The following PALLD variants were observed in gnomAD, a reference collection of about 807,000 sequenced individuals.
PALLD encodes palladin, cytoskeletal associated protein, also known as palladin.
In PALLD, 61 loss-of-function variants were observed where a neutral mutation model predicts 123.5. The ratio of observed to expected loss-of-function variants is 0.49; its 90% CI spans 0.40 to 0.61. The LOEUF is 0.61. Among genes scored for constraint, PALLD ranks in the 20% least tolerant of loss-of-function variants. The probability of loss-of-function intolerance (pLI) is 0.00; values close to 1 mark genes in which losing one functional copy is unlikely to be tolerated. For missense variants in PALLD, 1,273 were observed against 1,377.0 expected, an observed-to-expected ratio of 0.92 and a Z score of 1.20; for synonymous variants, 465 against 496.4, an observed-to-expected ratio of 0.94 and a Z score of 0.84.
At chr4:168,814,031 G>A (rs1043022845) in intron 10 of PALLD, among the ~76,000 whole-genome samples, 4 of 152,138 alleles carry the variant, frequency 2.6e-5, no homozygotes, top group Non-Finnish European at 4.4e-5. Flanking sequence ...CTCTGAATTC[G>A]ATAGAGACAG....
At chr4:168,885,616 G>A (rs764753399) in intron 10 of PALLD, among the ~76,000 whole-genome samples, 2 of 152,162 alleles carry the variant, frequency 1.3e-5, no homozygotes, top group South Asian at 4.1e-4. Context: ...CTCCAGCCAC[G>A]TACATTTGCA....
chr4:168,903,816 A>C lies in PALLD; in HGVS notation c.2532A>C (p.Gln844His). 1 of 1,611,872 alleles carries C rather than the reference A, an allele frequency of 6.2e-7. No individual in the cohort carries two copies. Among genetic ancestry groups the C allele is most frequent in the Non-Finnish European group, 8.5e-7 (1 of 1,177,990 alleles). ...CAAAGAGTGATCACTACACCATTCA[A>C]AGAGATCTCGATGGGACCTGCTCCC... ...ISPKSDHYTIQRDLDGTCSLH... is the reference protein window; with the variant it reads ...ISPKSDHYTIHRDLDGTCSLH... Residue 844 changes from glutamine to histidine, a missense_variant, in exon 15 of 22, where the codon CAA (glutamine) becomes CAC (histidine). Gln to His is a conservative substitution (Grantham distance 24). This residue lies in a region of PALLD where 329 missense variants were observed against 422.5 expected (regional missense o/e 0.78). Transcript: ENST00000505667.
Position 168,888,108 on chromosome 4 carries a change from A to G in PALLD, c.1965-2814A>G, listed in dbSNP as rs2151178002. Among the ~76,000 whole-genome samples, 2 of 152,280 alleles carry G rather than the reference A, an allele frequency of 1.3e-5. 1 individual carries two copies. The highest frequency in any genetic ancestry group is 4.2e-4 in the South Asian group (2 of 4,810). On this transcript the variant is annotated intron_variant, in intron 10 of 21. Transcript: ENST00000505667. ...GGGAGAGAGGTTCCAGGCTTGGGAA[A>G]ACTAGCAAACTATGCACGTGTTTGT...
At chr4:168,560,524 G>A (rs1467293038) in intron 2 of PALLD, among the ~76,000 whole-genome samples, 2 of 152,194 alleles carry the variant, frequency 1.3e-5, no homozygotes, top group Non-Finnish European at 2.9e-5. Context: ...GGAAGACGAA[G>A]AGTATGAGTA....
chr4:168,854,730 T>C (rs1423832339), intron 10 of PALLD, among the ~76,000 whole-genome samples: 1 of 151,980 alleles, frequency 6.6e-6, no homozygotes, highest in African/African-American at 2.4e-5. Context: ...TACATAAGAG[T>C]GCTATTAAAA....
intron 1 of PALLD, among the ~76,000 whole-genome samples, chr4:168,507,944 A>G (rs749890944): frequency 1.3e-5 from 2 of 151,650 alleles, no homozygotes; most frequent in Non-Finnish European, 2.9e-5. Context: ...ATTTGCCAGT[A>G]TCCTCTTCAC....
chr4:168,632,383 C>T (rs1013121290), intron 2 of PALLD, among the ~76,000 whole-genome samples: 2 of 152,200 alleles, frequency 1.3e-5, no homozygotes, highest in African/African-American at 4.8e-5. Flanking sequence ...TGCTCAGTTG[C>T]TGAATGAGGT....
rs1554034658 is a variant in PALLD, at chr4:168,520,327, C to CA, written c.908+7936dup. Among the ~76,000 whole-genome samples the CA allele has an allele frequency of 3.7e-3, 371 of 101,568 alleles. 4 individuals carry two copies. Among genetic ancestry groups the CA allele is most frequent in the African/African-American group, 0.011 (290 of 25,640 alleles). 66.6% of individuals were successfully genotyped at this position (101,568 alleles called of 152,430 possible). Reference sequence around the variant, plus strand: ...GGTGACAGAGCGAAGATTCCGTCACCAAAAAAAAAAAAAAAAAAAAAGAGA... The same window carrying CA: ...GGTGACAGAGCGAAGATTCCGTCACCAAAAAAAAAAAAAAAAAAAAAAGAGA... On this transcript the variant is annotated intron_variant, in intron 2 of 21. Coordinates refer to ENST00000505667, the MANE Select transcript of PALLD (RefSeq NM_001166108.2).
At chr4:168,892,158 T>C (rs1004710584) in intron 11 of PALLD, among the ~76,000 whole-genome samples, 6 of 152,196 alleles carry the variant, frequency 3.9e-5, no homozygotes, top group African/African-American at 1.4e-4. Flanking sequence ...TACTCTTTTC[T>C]TTTTAAAATA....
chr4:168,737,794 C>T (rs546364157), intron 10 of PALLD, among the ~76,000 whole-genome samples: 7 of 152,318 alleles, frequency 4.6e-5, no homozygotes, highest in Admixed American at 1.3e-4. Context: ...TCGGCCCATA[C>T]CTCTAACCCT....
At chr4:168,707,418 G>A (rs569590606) in intron 8 of PALLD, among the ~76,000 whole-genome samples, 2 of 152,304 alleles carry the variant, frequency 1.3e-5, no homozygotes, top group African/African-American at 4.8e-5. Flanking sequence ...GACGAGGAAC[G>A]AGTCAGTTAG....
intron 2 of PALLD, among the ~76,000 whole-genome samples, chr4:168,595,644 C>G (rs1771902413): frequency 6.6e-6 from 1 of 152,076 alleles, no homozygotes. Flanking sequence ...TGAAGCAAGA[C>G]AGTGTCTACA....
chr4:168,831,584 C>T (rs927099992), intron 10 of PALLD, among the ~76,000 whole-genome samples: 1 of 152,112 alleles, frequency 6.6e-6, no homozygotes, highest in African/African-American at 2.4e-5. Flanking sequence ...TGTGCTTTCC[C>T]TCCCCACAGC....
At chr4:168,528,579 G>A (rs1044967211) in intron 2 of PALLD, among the ~76,000 whole-genome samples, 3 of 152,144 alleles carry the variant, frequency 2.0e-5, no homozygotes, top group African/African-American at 7.2e-5. Flanking sequence ...CTGTTATTAC[G>A]TGTTTTAGAT....
intron 10 of PALLD, among the ~76,000 whole-genome samples, chr4:168,882,231 C>G (rs13140828): frequency 0.54 from 81,698 of 152,074 alleles, 24,127 homozygotes; most frequent in South Asian, 0.66. Context: ...CTTTCTCCCT[C>G]ATAGGAAACG....
At chr4:168,620,445 A>G (rs111467019) in intron 2 of PALLD, among the ~76,000 whole-genome samples, 1 of 152,318 alleles carries the variant, frequency 6.6e-6, no homozygotes, top group East Asian at 1.9e-4. Context: ...ACAGAGTGAG[A>G]TGCTGTCTAA....
intron 2 of PALLD, among the ~76,000 whole-genome samples, chr4:168,539,211 C>G (rs1012733170): frequency 1.3e-5 from 2 of 152,096 alleles, no homozygotes; most frequent in African/African-American, 4.8e-5. Context: ...AGTAACTTTT[C>G]CATAATTTGT....
rs1300319840 is a variant in PALLD at position 168,869,626 on chromosome 4, GAGATA to G, written c.1965-21291_1965-21287del. On this transcript the variant is annotated intron_variant, in intron 10 of 21. Coordinates refer to ENST00000505667, the MANE Select transcript of PALLD (RefSeq NM_001166108.2). This position sits in a 1 kb window ranked among gnomAD's most constrained non-coding sequence, Gnocchi z 4.5. ...GGTAGAGATACAGCAGCATTAGTTG[GAGATA>G]AGATTGTTAGGACTGTTTGAGGCCA... 2.0e-5 allele frequency among the ~76,000 whole-genome samples: 3 copies of G among 152,212 alleles called. No individual in the cohort carries two copies. The highest frequency in any genetic ancestry group is 7.2e-5 in the African/African-American group (3 of 41,452).
At chr4:168,577,159 G>T (rs1312042187) in intron 2 of PALLD, among the ~76,000 whole-genome samples, 5 of 152,188 alleles carry the variant, frequency 3.3e-5, no homozygotes, top group African/African-American at 4.8e-5. Flanking sequence ...TGGAAGTGAG[G>T]TACAGAAACA....
Sources: allele counts gnomAD v4.1 joint callset (sites outside exome capture counted in the v4.1 genomes callset), GRCh38; gene constraint gnomAD v4.1.1; regional missense constraint gnomAD v4.1.1; non-coding constraint Gnocchi (gnomAD v3.1); transcripts MANE v1.5; gene names NCBI Gene and HGNC (gene_info 2026-07-23, HGNC 2026-07-21).